Variants in REX1BD observed in about 807,000 individuals in gnomAD.
REX1BD encodes required for excision 1-B domain-containing protein.
A neutral mutation model predicts 24.4 loss-of-function variants in REX1BD; 22 were observed. The observed-to-expected ratio is 0.90, with a 90% CI of 0.64 to 1.29. The LOEUF (loss-of-function observed/expected upper bound fraction) is 1.29, where lower values mean the gene tolerates loss of function less well. REX1BD is among the 50% of genes most tolerant of loss of function. The pLI, the probability that REX1BD is intolerant of heterozygous loss-of-function variation, is 0.00. For missense variants in REX1BD, 293 were observed against 285.3 expected, an observed-to-expected ratio of 1.03 and a Z score of -0.19; for synonymous variants, 146 against 125.9, an observed-to-expected ratio of 1.16 and a Z score of -1.07.
rs778635257 is a variant in REX1BD, at chr19:18,588,832, G to C, written c.31G>C (p.Val11Leu). The part of the protein sequence containing the change: MITETAAEPT[V>L]PAVPAAEEAT... ...CACCGAGACCGCGGCGGAGCCTACG[G>C]TCCCTGCAGTGCCTGCTGCTGAGGA... is the stretch of plus-strand genomic sequence containing the variant. Residue 11 changes from valine to leucine, a missense_variant, in exon 1 of 5, where the codon GTC becomes CTC. Physicochemically the swap from Val to Leu is conservative, Grantham distance 32 (BLOSUM62 1). Coordinates refer to ENST00000358607, the MANE Select transcript of REX1BD (RefSeq NM_001100418.2). 5.9e-6 allele frequency: 9 copies of C among 1,533,428 alleles called. 1 individual carries two copies. In the South Asian group the frequency reaches 1.1e-4, roughly 18 times the overall value. The allele number at this position is 1,533,428 out of a possible 1,614,324, so 95.0% of individuals were successfully genotyped here. A position where few individuals can be genotyped will look rare whatever the true frequency, so the allele number is the denominator to read the frequency against.
Position 18,589,079 on chromosome 19 carries a change from T to A in REX1BD, c.182+2T>A, listed in dbSNP as rs1156432659. On this transcript the variant is annotated splice_donor_variant, in intron 2 of 4. Coordinates refer to ENST00000358607, the MANE Select transcript of REX1BD (RefSeq NM_001100418.2). LOFTEE classifies it high-confidence loss of function. Reference sequence around the variant, plus strand: ...GCAGGGCTTCCGCCGACTGGAGGAGTGAGTGGGGGCGCGGAGGGGCTCAGG... The same window carrying A: ...GCAGGGCTTCCGCCGACTGGAGGAGAGAGTGGGGGCGCGGAGGGGCTCAGG... 6 of 1,500,136 alleles carry A rather than the reference T, an allele frequency of 4.0e-6. No individual in the cohort carries two copies. In the Admixed American group the frequency reaches 1.3e-4, roughly 33 times the overall value. 92.9% of individuals were successfully genotyped at this position (1,500,136 alleles called of 1,614,324 possible).
At chr19:18,591,817 ACTC>A (rs1489779399) in intron 4 of REX1BD, 18 of 407,418 alleles carry the variant, frequency 4.4e-5, no homozygotes, top group Non-Finnish European at 4.5e-5. Flanking sequence ...CTTGTTTTGA[ACTC>A]CTGACCTCAG....
At chr19:18,590,784 A>G in intron 3 of REX1BD, 70 bp from the exon 4 acceptor site, 1 of 1,472,334 alleles carries the variant, frequency 6.8e-7, no homozygotes. Context: ...TTTTTCCTGA[A>G]CATCCTTGGA....
intron 3 of REX1BD, 148 bp from the exon 4 acceptor site, chr19:18,590,706 G>T: frequency 1.5e-6 from 1 of 669,620 alleles, no homozygotes. Flanking sequence ...CTGAATTTCG[G>T]ACTCTTCCTA....
intron 4 of REX1BD, 156 bp from the exon 5 acceptor site, chr19:18,591,952 C>T: frequency 1.3e-6 from 1 of 771,458 alleles, no homozygotes; most frequent in Admixed American, 2.3e-5. Context: ...CTCCCTAGCA[C>T]CTAAGTGTTC....
chr19:18,589,794 C>G, intron 3 of REX1BD, 111 bp downstream of exon 3: 2 of 1,356,072 alleles, frequency 1.5e-6, no homozygotes, highest in Non-Finnish European at 1.9e-6. Flanking sequence ...GACCTCACCC[C>G]TTCCTGTCCC....
rs1028104975 is a variant in REX1BD, at chr19:18,589,441, G to A, written c.211G>A (p.Ala71Thr). Reference protein sequence around the residue: ...EWLAPVQGLRAWGRGLRVPTC... With the variant: ...EWLAPVQGLRTWGRGLRVPTC... Reference sequence around the variant, plus strand: ...GTTGGCGCCGGTGCAGGGCCTGAGAGCCTGGGGGCGCGGCCTCAGGGTCCC... The same window carrying A: ...GTTGGCGCCGGTGCAGGGCCTGAGAACCTGGGGGCGCGGCCTCAGGGTCCC... The change falls in exon 3 of 5, where the codon GCC (alanine) becomes ACC (threonine). Residue 71 changes from alanine to threonine, a missense_variant. Physicochemically the swap from Ala to Thr is moderately conservative, Grantham distance 58. Transcript: ENST00000358607. 2 of 1,558,770 alleles carry A rather than the reference G, an allele frequency of 1.3e-6. No homozygotes were observed. The highest frequency in any genetic ancestry group is 1.7e-6 in the Non-Finnish European group (2 of 1,151,998).
rs552838408 is a variant in REX1BD, at chr19:18,589,602, G to A, written c.372G>A (p.Glu124=). The A allele has an allele frequency of 4.5e-6, 7 of 1,538,940 alleles. No individual in the cohort carries two copies. Among genetic ancestry groups the A allele is most frequent in the African/African-American group, 1.4e-5 (1 of 73,132 alleles). The change falls in exon 3 of 5, where the codon GAG becomes GAA. Residue 124 remains glutamate (E), a synonymous_variant. Transcript: ENST00000358607. ...ASREVLAVEA[E]LGGPRRQPLL... ...GGGAGGTGCTGGCGGTGGAAGCAGAGCTGGGCGGGCCTCGCAGGCAGCCGC... is the reference window on the plus strand; with the variant it reads ...GGGAGGTGCTGGCGGTGGAAGCAGAACTGGGCGGGCCTCGCAGGCAGCCGC...
At chr19:18,590,560 C>T (rs1039044381) in intron 3 of REX1BD, 5 of 322,456 alleles carry the variant, frequency 1.6e-5, no homozygotes, top group African/African-American at 1.1e-4. Context: ...GTCCCTGGGA[C>T]CATGAGGCGC....
rs528086763 is a variant in REX1BD at position 18,589,286 on chromosome 19, C to T, written c.183-127C>T. 12 of 1,539,206 alleles carry T rather than the reference C, an allele frequency of 7.8e-6. No individual in the cohort carries two copies. In the South Asian group the frequency reaches 8.4e-5, roughly 11 times the overall value. On this transcript the variant is annotated intron_variant, in intron 2 of 4. Coordinates refer to ENST00000358607, the MANE Select transcript of REX1BD (RefSeq NM_001100418.2). ...CTACCCGACGACTCACTCTTCGTGG[C>T]TTCTCTCTCCTCCCCAAGAGCAGGG... is the stretch of plus-strand genomic sequence containing the variant.
At chr19:18,590,012 T>C in intron 3 of REX1BD, 1 of 332,816 alleles carries the variant, frequency 3.0e-6, no homozygotes, top group Non-Finnish European at 5.5e-6. Flanking sequence ...GGTCCCACCC[T>C]CAACCTCCCG....
At chr19:18,589,842 C>T in intron 3 of REX1BD, 159 bp downstream of exon 3, 1 of 1,128,570 alleles carries the variant, frequency 8.9e-7, no homozygotes, top group Non-Finnish European at 1.2e-6. Context: ...TGGGGATTCT[C>T]GGACCTTGCC....
At chr19:18,589,778 T>G in intron 3 of REX1BD, 95 bp downstream of exon 3, 1 of 1,399,644 alleles carries the variant, frequency 7.1e-7, no homozygotes, top group Non-Finnish European at 9.3e-7. Context: ...CAGTATCCCA[T>G]ACACAGACCT....
rs939592730 is a variant in REX1BD at position 18,592,190 on chromosome 19, C to T, written c.*10C>T. 4 of 1,613,884 alleles carry T rather than the reference C, an allele frequency of 2.5e-6. No individual in the cohort carries two copies. The African/African-American group carries it at 5.3e-5, about 22-fold the overall frequency. On this transcript the variant is annotated 3_prime_UTR_variant, in exon 5 of 5. Transcript: ENST00000358607. ...GGAATCTGCCGAGTGATGGCGGCTC[C>T]CCAGGGATGCGCCGAGGGAGATGGG...
Position 18,592,298 on chromosome 19 carries a change from G to A in REX1BD, c.*118G>A. On this transcript the variant is annotated 3_prime_UTR_variant, in exon 5 of 5. Transcript: ENST00000358607. Reference sequence around the variant, plus strand: ...CCACTGCGCTGCTGACCTTCCTGCAGTTCCAGACACCTCCCACAATAAAGA... The same window carrying A: ...CCACTGCGCTGCTGACCTTCCTGCAATTCCAGACACCTCCCACAATAAAGA... 2.8e-6 allele frequency: 3 copies of A among 1,064,474 alleles called. No individual in the cohort carries two copies. Among genetic ancestry groups the A allele is most frequent in the Non-Finnish European group, 4.3e-6 (3 of 705,808 alleles). 65.9% of individuals were successfully genotyped at this position (1,064,474 alleles called of 1,614,324 possible).
intron 3 of REX1BD, chr19:18,589,970 T>C (rs1976003916): frequency 7.1e-6 from 3 of 420,602 alleles, no homozygotes; most frequent in Admixed American, 8.5e-5. Flanking sequence ...GCCCCAACAA[T>C]GCTCCACCCA....
Position 18,589,487 on chromosome 19 carries a change from G to A in REX1BD, c.257G>A (p.Arg86His), listed in dbSNP as rs867939198. ...LRVPTCRRGH[R>H]QYLRSGPDYD... Reference sequence around the variant, plus strand: ...GTCCCCACATGCCGCAGAGGCCACCGCCAGTACCTGCGCAGCGGCCCTGAC... The same window carrying A: ...GTCCCCACATGCCGCAGAGGCCACCACCAGTACCTGCGCAGCGGCCCTGAC... The change falls in exon 3 of 5, where the codon CGC becomes CAC. Residue 86 changes from arginine (R) to histidine (H), a missense_variant. Arg to His is a conservative substitution (Grantham distance 29). Coordinates refer to ENST00000358607, the MANE Select transcript of REX1BD (RefSeq NM_001100418.2). The A allele has an allele frequency of 6.4e-7, 1 of 1,563,802 alleles. No homozygotes were observed. Among genetic ancestry groups the A allele is most frequent in the Non-Finnish European group, 8.6e-7 (1 of 1,157,810 alleles).
rs1025991371 is a variant in REX1BD at position 18,589,405 on chromosome 19, C to T, written c.183-8C>T. ...GGTGTCTGGGGACACTTCCTGGGGGCCTTTCAGGTGGTTGGCGCCGGTGCA... is the reference window on the plus strand; with the variant it reads ...GGTGTCTGGGGACACTTCCTGGGGGTCTTTCAGGTGGTTGGCGCCGGTGCA... On this transcript the variant is annotated splice_polypyrimidine_tract_variant and splice_region_variant and intron_variant, in intron 2 of 4. Coordinates refer to ENST00000358607, the MANE Select transcript of REX1BD (RefSeq NM_001100418.2). The T allele has an allele frequency of 1.6e-5, 25 of 1,557,976 alleles. No homozygotes were observed. Among genetic ancestry groups the T allele is most frequent in the South Asian group, 7.1e-5 (6 of 84,630 alleles).
At position 18,590,392 on chromosome 19, in the gene REX1BD, A is replaced by AT. The variant is rs199925029; in HGVS notation, c.454-454dup. On this transcript the variant is annotated intron_variant, in intron 3 of 4. Coordinates refer to ENST00000358607, the MANE Select transcript of REX1BD (RefSeq NM_001100418.2). ...TACAGGCATAATTTTTGTATTTTGTATTTTTTTTAGTAGAGACGGGGTTGT... is the reference window on the plus strand; with the variant it reads ...TACAGGCATAATTTTTGTATTTTGTATTTTTTTTTAGTAGAGACGGGGTTGT... 7.1e-3 allele frequency: 1,096 copies of AT among 154,982 alleles called. 16 individuals carry two copies. The highest frequency in any genetic ancestry group is 0.023 in the African/African-American group (940 of 41,168). 9.6% of individuals were successfully genotyped at this position (154,982 alleles called of 1,614,324 possible).
Sources: allele counts gnomAD v4.1 joint callset, GRCh38; gene constraint gnomAD v4.1.1; transcripts MANE v1.5; gene names NCBI Gene and HGNC (gene_info 2026-07-23, HGNC 2026-07-21).